Variants in FECH observed in about 807,000 individuals in gnomAD.
FECH encodes ferrochelatase, also known as ferrochelatase, mitochondrial.
Under a neutral mutation model 56.9 loss-of-function variants are expected in FECH, and 40 were observed. The observed-to-expected ratio is 0.70, with a 90% confidence interval of 0.55 to 0.92. The LOEUF (loss-of-function observed/expected upper bound fraction) is 0.92. FECH is among the 40% of genes least tolerant of loss of function. FECH has a pLI of 0.00. For missense variants in FECH, 431 were observed against 529.1 expected, an observed-to-expected ratio of 0.81 and a Z score of 1.82; for synonymous variants, 175 against 198.6, an observed-to-expected ratio of 0.88 and a Z score of 1.00.
Position 57,560,530 on chromosome 18 carries a change from G to A in FECH, c.706-1287C>T, listed in dbSNP as rs533996921. Among the ~76,000 whole-genome samples the A allele has an allele frequency of 8.5e-5, 13 of 152,264 alleles. 1 individual carries two copies. The East Asian group carries it at 2.5e-3, about 29-fold the overall frequency. ...GCAGGGTGTGATGGCACCTGCCTGT[G>A]GTCCCAGCTACTCAGCAGGCTGAGG... On this transcript the variant is annotated intron_variant, in intron 6 of 10. Transcript: ENST00000262093.
intron 5 of FECH, among the ~76,000 whole-genome samples, chr18:57,565,245 C>A (rs993907734): frequency 2.0e-5 from 3 of 152,326 alleles, no homozygotes; most frequent in East Asian, 1.9e-4. Flanking sequence ...TTCATAAAAT[C>A]TGACTCCTTC....
intron 4 of FECH, among the ~76,000 whole-genome samples, chr18:57,568,665 AC>A (rs2051050927): frequency 6.6e-6 from 1 of 152,156 alleles, no homozygotes; most frequent in South Asian, 2.1e-4. Context: ...TAGCTTACGT[AC>A]CCTCAGAGCA....
At chr18:57,558,342 T>C (rs2050894582) in intron 7 of FECH, among the ~76,000 whole-genome samples, 1 of 152,340 alleles carries the variant, frequency 6.6e-6, no homozygotes, top group South Asian at 2.1e-4. Context: ...TCTGGATGAA[T>C]AGCCTAGTGT....
chr18:57,551,088 T>C (rs1194395625), intron 10 of FECH: 1 of 637,154 alleles, frequency 1.6e-6, no homozygotes, highest in Non-Finnish European at 2.7e-6. Flanking sequence ...GCCTTTTCTC[T>C]GGAAAGCAGG....
chr18:57,560,857 G>A (rs1283181911), intron 6 of FECH, among the ~76,000 whole-genome samples: 1 of 151,950 alleles, frequency 6.6e-6, no homozygotes, highest in Non-Finnish European at 1.5e-5. Flanking sequence ...GAAAACTATG[G>A]GATAAGCAAA....
In FECH at chr18:57,565,627, A is replaced by G. The variant is rs541457048; in HGVS notation, c.598+820T>C. Among the ~76,000 whole-genome samples the G allele has an allele frequency of 4.6e-5, 7 of 152,278 alleles. No homozygotes were observed. In the East Asian group the frequency reaches 1.3e-3, roughly 29 times the overall value. On this transcript the variant is annotated intron_variant, in intron 5 of 10. Transcript: ENST00000262093. ...TTCAAACTCTTGAGGGTATCTTAGA[A>G]CTCAGGCATTTTAATGGGTTCTCTG...
rs1002494505 is a variant in FECH at position 57,544,971 on chromosome 18, C to T, written c.*5741G>A. ...TGTGCCTGTGCAATCAATTCCATGC[C>T]ATATATACACTTTTTTTCAGATAAG... On this transcript the variant is annotated 3_prime_UTR_variant, in exon 11 of 11. Transcript: ENST00000262093. Among the ~76,000 whole-genome samples, 3 of 152,156 alleles carry T rather than the reference C, an allele frequency of 2.0e-5. 1 individual carries two copies. The highest frequency in any genetic ancestry group is 4.1e-4 in the South Asian group (2 of 4,822).
intron 2 of FECH, among the ~76,000 whole-genome samples, chr18:57,576,606 G>A (rs138864492): frequency 6.6e-6 from 1 of 152,302 alleles, no homozygotes; most frequent in African/African-American, 2.4e-5. Flanking sequence ...GGGATTTAGA[G>A]CTGTTTTTCA....
rs369038433 is a variant in FECH, at chr18:57,546,614, C to T, written c.*4098G>A. Among the ~76,000 whole-genome samples the T allele has an allele frequency of 4.6e-4, 70 of 152,294 alleles. No individual in the cohort carries two copies. The highest frequency in any genetic ancestry group is 1.0e-3 in the African/African-American group (42 of 41,562). On this transcript the variant is annotated 3_prime_UTR_variant, in exon 11 of 11. Transcript: ENST00000262093. Reference sequence around the variant, plus strand: ...AAGATTAGCCCACCTCTTGCATCAGCGTGACCTGGAGGTGAGACATGGAGT... The same window carrying T: ...AAGATTAGCCCACCTCTTGCATCAGTGTGACCTGGAGGTGAGACATGGAGT...
intron 7 of FECH, among the ~76,000 whole-genome samples, chr18:57,556,888 G>A (rs1331734738): frequency 2.2e-5 from 3 of 133,956 alleles, no homozygotes; most frequent in Non-Finnish European, 4.6e-5. Flanking sequence ...ACCAGCCTGA[G>A]TGACAGAGTG....
rs909964773 is a variant in FECH, at chr18:57,548,807, T to C, written c.*1905A>G. ...CCAGACAGCACAGTACTGCTATCAATTCAGGTTTCCTTAGCAAATAAGTGC... is the reference window on the plus strand; with the variant it reads ...CCAGACAGCACAGTACTGCTATCAACTCAGGTTTCCTTAGCAAATAAGTGC... On this transcript the variant is annotated 3_prime_UTR_variant, in exon 11 of 11. Transcript: ENST00000262093. 14 of 152,220 alleles carry C rather than the reference T, an allele frequency of 9.2e-5. No individual in the cohort carries two copies. The highest frequency in any genetic ancestry group is 3.4e-4 in the African/African-American group (14 of 41,450). 9.4% of individuals were successfully genotyped at this position (152,220 alleles called of 1,614,324 possible).
At chr18:57,569,615 T>A (rs1053018866) in intron 4 of FECH, among the ~76,000 whole-genome samples, 4 of 152,244 alleles carry the variant, frequency 2.6e-5, no homozygotes, top group African/African-American at 9.6e-5. Flanking sequence ...GTATTGCTTT[T>A]TCAAGTCTGA....
chr18:57,581,705 G>A (rs1201564762), intron 1 of FECH, among the ~76,000 whole-genome samples: 2 of 152,226 alleles, frequency 1.3e-5, no homozygotes, highest in African/African-American at 4.8e-5. Flanking sequence ...TTCTTGAAAG[G>A]AGTAGAGCAG....
intron 6 of FECH, among the ~76,000 whole-genome samples, chr18:57,562,432 A>G (rs2050957055): frequency 6.6e-6 from 1 of 152,230 alleles, no homozygotes; most frequent in Non-Finnish European, 1.5e-5. Context: ...CGAAATGTTC[A>G]ATTTATTTTC....
At position 57,559,173 on chromosome 18, in the gene FECH, A is replaced by G; in HGVS notation, c.776T>C (p.Leu259Pro). The G allele has an allele frequency of 6.2e-7, 1 of 1,613,674 alleles. No homozygotes were observed. Residue 259 changes from leucine to proline, a missense_variant, in exon 7 of 11, where the codon CTG becomes CCG. Coordinates refer to ENST00000262093, the MANE Select transcript of FECH (RefSeq NM_000140.5). The stretch of plus-strand genomic sequence containing the variant: ...CATGGGCAGTGAGTGAGCAGAAAAC[A>G]GAATGACCACCTCGCTTCTCTTCTC... ...PLEKRSEVVI[L>P]FSAHSLPMSV...
Position 57,545,198 on chromosome 18 carries a change from C to G in FECH, c.*5514G>C. Among the ~76,000 whole-genome samples the G allele has an allele frequency of 6.6e-6, 1 of 152,188 alleles. No homozygotes were observed. The highest frequency in any genetic ancestry group is 1.5e-5 in the Non-Finnish European group (1 of 68,030). On this transcript the variant is annotated 3_prime_UTR_variant, in exon 11 of 11. Coordinates refer to ENST00000262093, the MANE Select transcript of FECH (RefSeq NM_000140.5). ...GTGAAGGCTCACAAGAAATCAGAAA[C>G]AGGACCCAGATCTCTACCCAAGGGC...
At chr18:57,562,753 AACAC>A in intron 6 of FECH, 117 bp downstream of exon 6, 1 of 746,320 alleles carries the variant, frequency 1.3e-6, no homozygotes. Flanking sequence ...TTTAATCCCA[AACAC>A]ACAATTTAAG....
intron 8 of FECH, among the ~76,000 whole-genome samples, 187 bp downstream of exon 8, chr18:57,554,658 G>C (rs948386971): frequency 3.9e-5 from 6 of 152,140 alleles, no homozygotes; most frequent in Non-Finnish European, 5.9e-5. Context: ...TAAACCAATG[G>C]AGCTCCACGA....
chr18:57,585,373 CA>C (rs1311195966), intron 1 of FECH, among the ~76,000 whole-genome samples: 1 of 152,192 alleles, frequency 6.6e-6, no homozygotes, highest in Non-Finnish European at 1.5e-5. Context: ...ACCTAGACTA[CA>C]AATAATTTAA....
Sources: gnomAD v4.1 joint callset for allele counts (sites outside exome capture counted in the v4.1 genomes callset) on GRCh38, gnomAD v4.1.1 for gene constraint, MANE v1.5 for transcripts, NCBI Gene and HGNC (gene_info 2026-07-23, HGNC 2026-07-21) for gene names.